The following ADA2 variants were observed in gnomAD, a reference collection of about 807,000 sequenced individuals.
ADA2 encodes adenosine deaminase CECR1.
A neutral mutation model predicts 44.2 loss-of-function variants in ADA2; 29 were observed. The observed-to-expected ratio is 0.66, with a 90% CI of 0.49 to 0.89. The LOEUF is 0.89. ADA2 is among the 40% of genes least tolerant of loss of function. The pLI is 0.00. For missense variants in ADA2, 637 were observed against 644.8 expected, an observed-to-expected ratio of 0.99 and a Z score of 0.13; for synonymous variants, 215 against 234.9, an observed-to-expected ratio of 0.92 and a Z score of 0.77.
At chr22:17,191,637 C>A in intron 5 of ADA2, 46 bp downstream of exon 5, 1 of 1,600,244 alleles carries the variant, frequency 6.2e-7, no homozygotes. Context: ...GCTCTGCCTG[C>A]ATCCCAGCCT....
At chr22:17,196,282 C>T (rs2062189568) in intron 4 of ADA2, among the ~76,000 whole-genome samples, 1 of 139,528 alleles carries the variant, frequency 7.2e-6, no homozygotes, top group Admixed American at 7.8e-5. Flanking sequence ...GATTGTGTGC[C>T]ATTGTACTCC....
Position 17,209,407 on chromosome 22 carries a change from G to A in ADA2, c.271C>T (p.His91Tyr). Residue 91 changes from histidine to tyrosine, a missense_variant, in exon 2 of 10, where the codon CAT (histidine) becomes TAT (tyrosine). Coordinates refer to ENST00000399837, the MANE Select transcript of ADA2 (RefSeq NM_001282225.2). ...AACACTTGACTTCTCTCAATGAGAT[G>A]CTTGGCCTGGAAAAAGTGCATGCTG... ...PPSMHFFQAK[H>Y]LIERSQVFNI... 6.2e-7 allele frequency: 1 copy of A among 1,614,052 alleles called. No individual in the cohort carries two copies. The highest frequency in any genetic ancestry group is 8.5e-7 in the Non-Finnish European group (1 of 1,180,022).
chr22:17,191,618 A>G (rs548691382), intron 5 of ADA2, 65 bp downstream of exon 5: 523 of 1,362,136 alleles, frequency 3.8e-4, no homozygotes, highest in Non-Finnish European at 4.9e-4. Flanking sequence ...CTCCCCTCCC[A>G]GCCTAGTAGC....
At chr22:17,202,996 A>G (rs1202810814) in intron 4 of ADA2, among the ~76,000 whole-genome samples, 1 of 151,794 alleles carries the variant, frequency 6.6e-6, no homozygotes, top group Non-Finnish European at 1.5e-5. Flanking sequence ...GGCTGGTCTC[A>G]AACTCTTGAC....
chr22:17,188,898 G>A (rs1463710826), intron 6 of ADA2, among the ~76,000 whole-genome samples: 22 of 112,894 alleles, frequency 1.9e-4, no homozygotes, highest in Admixed American at 9.8e-4. Context: ...TTGTAAAGAC[G>A]GGGTCTCACC....
rs1445846590 is a variant in ADA2, at chr22:17,203,555, G to A, written c.753+8C>T. ...GGTGGGAGGAACAGAGAGGAGAGCTGGGCTCACCGGCAGCAGCCTGGCTCT... is the reference window on the plus strand; with the variant it reads ...GGTGGGAGGAACAGAGAGGAGAGCTAGGCTCACCGGCAGCAGCCTGGCTCT... On this transcript the variant is annotated splice_region_variant and intron_variant, in intron 4 of 9. Coordinates refer to ENST00000399837, the MANE Select transcript of ADA2 (RefSeq NM_001282225.2). The A allele has an allele frequency of 1.9e-6, 3 of 1,608,060 alleles. No homozygotes were observed. Among genetic ancestry groups the A allele is most frequent in the Non-Finnish European group, 2.6e-6 (3 of 1,176,170 alleles).
At position 17,189,946 on chromosome 22, in the gene ADA2, T is replaced by A; in HGVS notation, c.968A>T (p.Asp323Val). Reference sequence around the variant, plus strand: ...TCTGTTCACAGCATGGGTTACCAGGTCAAACCCTGCCACCACCGTGGGGAA... The same window carrying A: ...TCTGTTCACAGCATGGGTTACCAGGACAAACCCTGCCACCACCGTGGGGAA... ...IKFPTVVAGF[D>V]LVGHEDTGHS... The change falls in exon 6 of 10, where the codon GAC (aspartate) becomes GTC (valine). Residue 323 changes from aspartate to valine, a missense_variant. By Grantham distance (152) the Asp-to-Val change is radical (BLOSUM62 -3). Coordinates refer to ENST00000399837, the MANE Select transcript of ADA2 (RefSeq NM_001282225.2). The A allele has an allele frequency of 6.2e-7, 1 of 1,612,286 alleles. No homozygotes were observed. The highest frequency in any genetic ancestry group is 8.5e-7 in the Non-Finnish European group (1 of 1,178,448).
intron 4 of ADA2, among the ~76,000 whole-genome samples, chr22:17,194,416 T>C (rs1363507666): frequency 5.9e-5 from 9 of 152,248 alleles, no homozygotes; most frequent in Admixed American, 2.0e-4. Context: ...TTGTGTGTCC[T>C]TTGTCTCTGG....
chr22:17,185,387 G>T lies in ADA2; in HGVS notation c.1082-2626C>A, dbSNP rs551442107. Among the ~76,000 whole-genome samples the T allele has an allele frequency of 2.7e-5, 4 of 150,412 alleles. No individual in the cohort carries two copies. The South Asian group carries it at 8.4e-4, about 32-fold the overall frequency. On this transcript the variant is annotated intron_variant, in intron 7 of 9. Coordinates refer to ENST00000399837, the MANE Select transcript of ADA2 (RefSeq NM_001282225.2). ...GTTGAGATCGTGCCACTGCACTCCA[G>T]CCTGGGGACAGAGCGAGACTCCGTC...
At chr22:17,220,986 A>T (rs112235343), upstream of ADA2, among the ~76,000 whole-genome samples, 981 of 152,080 alleles carry the variant, frequency 6.5e-3, 15 homozygotes, top group African/African-American at 0.023. Context: ...AGCCCCTACT[A>T]AAATACAAAA....
intron 4 of ADA2, among the ~76,000 whole-genome samples, chr22:17,197,978 C>A (rs935144956): frequency 1.3e-5 from 2 of 150,080 alleles, no homozygotes; most frequent in Admixed American, 6.7e-5. Flanking sequence ...GCGGAGGTTG[C>A]GGTGAGCCAA....
chr22:17,209,870 G>C (rs1338231278), intron 1 of ADA2, 147 bp from the exon 2 acceptor site: 1 of 578,252 alleles, frequency 1.7e-6, no homozygotes. Context: ...TACAGGTACA[G>C]ACAGGTAGGG....
rs866372390 is a variant in ADA2 at position 17,193,082 on chromosome 22, T to A, written c.754-1272A>T. 20 of 986,442 alleles carry A rather than the reference T, an allele frequency of 2.0e-5. No individual in the cohort carries two copies. In the Middle Eastern group the frequency reaches 9.1e-4, roughly 45 times the overall value. 61.1% of individuals were successfully genotyped at this position (986,442 alleles called of 1,614,324 possible). On this transcript the variant is annotated intron_variant, in intron 4 of 9. Transcript: ENST00000399837. The stretch of plus-strand genomic sequence containing the variant: ...AGATCTCGATGCCCAACAGTGGTTA[T>A]GGGAGCAACAAAAAAAAACAAAGAA...
chr22:17,203,847 T>C (rs535836509), intron 3 of ADA2, 74 bp from the exon 4 acceptor site: 32 of 932,378 alleles, frequency 3.4e-5, no homozygotes, highest in South Asian at 2.8e-4. Flanking sequence ...ATAGGACTGC[T>C]ACCCACCTTG....
At chr22:17,198,129 C>T (rs1363067325) in intron 4 of ADA2, among the ~76,000 whole-genome samples, 4 of 152,146 alleles carry the variant, frequency 2.6e-5, no homozygotes, top group Admixed American at 6.5e-5. Context: ...ATTTTGCTTG[C>T]CCTGAGTTGT....
At chr22:17,197,087 C>T (rs570052198) in intron 4 of ADA2, among the ~76,000 whole-genome samples, 1 of 152,178 alleles carries the variant, frequency 6.6e-6, no homozygotes, top group South Asian at 2.1e-4. Context: ...GCAGGAGAAT[C>T]ACTTGAACCC....
At chr22:17,199,090 C>T (rs371735507) in intron 4 of ADA2, among the ~76,000 whole-genome samples, 4 of 152,322 alleles carry the variant, frequency 2.6e-5, no homozygotes, top group Non-Finnish European at 1.5e-5. Context: ...GTTCCAGGGT[C>T]AGACCCGAAC....
At chr22:17,193,257 G>C in intron 4 of ADA2, 1 of 823,842 alleles carries the variant, frequency 1.2e-6, no homozygotes, top group Non-Finnish European at 2.0e-6. Flanking sequence ...CTGCCCAGCT[G>C]GTCATCAGAG....
In ADA2 at chr22:17,193,358, CAAAA is replaced by C. The variant is rs71200244; in HGVS notation, c.754-1552_754-1549del. ...TGTTTAAATAAAACCGTAAAAACTG[CAAAA>C]AAAAAAAAAAAAAAAAAAAAAAAGG... On this transcript the variant is annotated intron_variant, in intron 4 of 9. Coordinates refer to ENST00000399837, the MANE Select transcript of ADA2 (RefSeq NM_001282225.2). The C allele has an allele frequency of 2.7e-3, 181 of 66,306 alleles. 1 individual carries two copies. The highest frequency in any genetic ancestry group is 0.014 in the African/African-American group (125 of 8,632). The allele number at this position is 66,306 out of a possible 1,614,324, so 4.1% of individuals were successfully genotyped here.
Sources: gnomAD v4.1 joint callset for allele counts (sites outside exome capture counted in the v4.1 genomes callset) on GRCh38, gnomAD v4.1.1 for gene constraint, MANE v1.5 for transcripts, NCBI Gene and HGNC (gene_info 2026-07-23, HGNC 2026-07-21) for gene names.